Variants in CENPC observed in about 807,000 individuals in gnomAD.
The protein encoded by CENPC is CENP-C 1.
CENPC carries 63 observed loss-of-function variants against 112.1 expected under a neutral mutation model. The ratio of observed to expected loss-of-function variants is 0.56; its 90% CI spans 0.46 to 0.69. The LOEUF (loss-of-function observed/expected upper bound fraction) is 0.69. CENPC is among the 30% of genes least tolerant of loss of function. CENPC has a pLI of 0.00. For missense variants in CENPC, 1,000 were observed against 1,103.8 expected (o/e 0.91, Z 1.33); for synonymous variants, 333 against 367.6 (o/e 0.91, Z 1.08).
At chr4:67,523,473 T>C (rs1726288562) in intron 5 of CENPC, among the ~76,000 whole-genome samples, 1 of 152,234 alleles carries the variant, frequency 6.6e-6, no homozygotes, top group African/African-American at 2.4e-5. Flanking sequence ...TAAATGGATG[T>C]TGAATGGTGA....
chr4:67,526,274 A>G (rs750447075), intron 5 of CENPC, among the ~76,000 whole-genome samples: 1 of 152,092 alleles, frequency 6.6e-6, no homozygotes, highest in Non-Finnish European at 1.5e-5. Context: ...ACTATGGCAC[A>G]GGTGTACCTA....
Position 67,470,612 on chromosome 4 carries a change from A to C in CENPC, c.*1993T>G, listed in dbSNP as rs1182836351. The stretch of plus-strand genomic sequence containing the variant: ...AGAAAAGAAAAGAAAAAAGAAAATA[A>C]AGAAAAAATATTGCTAAAGCTTTGG... On this transcript the variant is annotated 3_prime_UTR_variant, in exon 19 of 19. Transcript: ENST00000273853. 1 of 151,970 alleles carries C rather than the reference A, an allele frequency of 6.6e-6. No homozygotes were observed. Among genetic ancestry groups the C allele is most frequent in the African/African-American group, 2.4e-5 (1 of 41,374 alleles). 9.4% of individuals were successfully genotyped at this position (151,970 alleles called of 1,614,324 possible).
At chr4:67,524,805 T>C (rs1372927036) in intron 5 of CENPC, among the ~76,000 whole-genome samples, 1 of 152,190 alleles carries the variant, frequency 6.6e-6, no homozygotes, top group Non-Finnish European at 1.5e-5. Context: ...CTATTGACTT[T>C]CTTCACAGAA....
intron 4 of CENPC, among the ~76,000 whole-genome samples, chr4:67,533,114 T>G (rs907389466): frequency 2.0e-5 from 3 of 152,216 alleles, no homozygotes; most frequent in African/African-American, 7.2e-5. Flanking sequence ...AATCTCAATT[T>G]GAATTGTATC....
chr4:67,476,981 A>G (rs534958507), intron 17 of CENPC, among the ~76,000 whole-genome samples: 2 of 152,282 alleles, frequency 1.3e-5, no homozygotes, highest in East Asian at 1.9e-4. Flanking sequence ...CCTGGGAACC[A>G]TATTTTCATC....
chr4:67,491,462 TATATATATATATATATATAGAGAGAG>T (rs1285529075), intron 16 of CENPC, among the ~76,000 whole-genome samples: 4 of 65,726 alleles, frequency 6.1e-5, no homozygotes, highest in African/African-American at 2.2e-4. Context: ...TATATATATA[TATATATATATATATATATAGAGAGAG>T]AGAGAGAGAG....
intron 2 of CENPC, among the ~76,000 whole-genome samples, chr4:67,542,002 C>G (rs1428420497): frequency 6.6e-6 from 1 of 152,100 alleles, no homozygotes; most frequent in Admixed American, 6.6e-5. Flanking sequence ...GAAATAAATC[C>G]AAGTTGAATG....
chr4:67,524,802 C>T (rs1726327165), intron 5 of CENPC, among the ~76,000 whole-genome samples: 1 of 152,178 alleles, frequency 6.6e-6, no homozygotes, highest in African/African-American at 2.4e-5. Context: ...CTACTATTGA[C>T]TTTCTTCACA....
chr4:67,508,463 G>A (rs193209639), intron 10 of CENPC, among the ~76,000 whole-genome samples: 14 of 130,642 alleles, frequency 1.1e-4, no homozygotes, highest in Non-Finnish European at 1.9e-4. Context: ...AGTGGGCTAT[G>A]ATCACGCCAC....
intron 17 of CENPC, among the ~76,000 whole-genome samples, chr4:67,482,711 A>G (rs1417269437): frequency 6.6e-6 from 1 of 152,224 alleles, no homozygotes; most frequent in Non-Finnish European, 1.5e-5. Context: ...ATGCAAAGGC[A>G]TAAGAATGAT....
intron 9 of CENPC, among the ~76,000 whole-genome samples, chr4:67,511,661 G>A (rs1474167665): frequency 6.6e-6 from 1 of 152,148 alleles, no homozygotes. Context: ...TTCCTTCAGG[G>A]AGTCTGGAAT....
At chr4:67,495,091 T>C in intron 13 of CENPC, 68 bp downstream of exon 13, 1 of 1,335,476 alleles carries the variant, frequency 7.5e-7, no homozygotes, top group South Asian at 1.5e-5. Context: ...AGAAATAAGT[T>C]ATATTTAGAA....
chr4:67,518,345 A>G lies in CENPC; in HGVS notation c.641T>C (p.Met214Thr), dbSNP rs1160825513. Residue 214 changes from methionine to threonine, a missense_variant, in exon 7 of 19, where the codon ATG (methionine) becomes ACG (threonine). By Grantham distance (81) the Met-to-Thr change is moderately conservative. Transcript: ENST00000273853. ...ATTATCTATTTCTATTTTCTTTAAC[A>G]TAACTTTATCATCAAAGTTTAACCT... ...KKRLNFDDKV[M>T]LKKIEIDNKV... is the part of the protein sequence containing the mutation. 17 of 1,529,242 alleles carry G rather than the reference A, an allele frequency of 1.1e-5. No individual in the cohort carries two copies. The highest frequency in any genetic ancestry group is 2.4e-5 in the East Asian group (1 of 40,878). The allele number at this position is 1,529,242 out of a possible 1,614,324, so 94.7% of individuals were successfully genotyped here. A position where few individuals can be genotyped will look rare whatever the true frequency, so the allele number is the denominator to read the frequency against.
intron 16 of CENPC, among the ~76,000 whole-genome samples, chr4:67,491,486 G>A (rs868759525): frequency 1.2e-5 from 1 of 82,028 alleles, no homozygotes; most frequent in Non-Finnish European, 2.5e-5. Context: ...TATATAGAGA[G>A]AGAGAGAGAG....
chr4:67,472,257 T>C lies in CENPC; in HGVS notation c.*348A>G, dbSNP rs62303190. The stretch of plus-strand genomic sequence containing the variant: ...TCTCTCCCATTGGATTATTTAATAA[T>C]AAATGATTTAAAATTAGTATTTGGA... On this transcript the variant is annotated 3_prime_UTR_variant, in exon 19 of 19. Transcript: ENST00000273853. 6.3e-6 allele frequency: 1 copy of C among 157,508 alleles called. No individual in the cohort carries two copies. Among genetic ancestry groups the C allele is most frequent in the Admixed American group, 6.5e-5 (1 of 15,394 alleles). The allele number at this position is 157,508 out of a possible 1,614,324, so 9.8% of individuals were successfully genotyped here.
At chr4:67,523,977 A>C (rs1048701962) in intron 5 of CENPC, among the ~76,000 whole-genome samples, 3 of 152,076 alleles carry the variant, frequency 2.0e-5, no homozygotes, top group Non-Finnish European at 2.9e-5. Flanking sequence ...AACAGTAATG[A>C]ATTATAAAGT....
chr4:67,498,547 G>T (rs1424368119), intron 12 of CENPC, among the ~76,000 whole-genome samples: 1 of 152,068 alleles, frequency 6.6e-6, no homozygotes, highest in East Asian at 1.9e-4. Context: ...TCATTTCAAG[G>T]GTTCACAACA....
chr4:67,535,084 G>T (rs1166314964), intron 4 of CENPC, among the ~76,000 whole-genome samples: 2 of 151,950 alleles, frequency 1.3e-5, no homozygotes, highest in African/African-American at 4.8e-5. Context: ...TAAAATAAAA[G>T]AAAGCAACAT....
At chr4:67,532,340 A>G (rs75054238) in intron 4 of CENPC, among the ~76,000 whole-genome samples, 85,515 of 152,018 alleles carry the variant, frequency 0.56, 25,430 homozygotes, top group Non-Finnish European at 0.67. Flanking sequence ...ACAGTGTGGC[A>G]ATTGCTCAGG....
Sources: gnomAD v4.1 joint callset for allele counts (sites outside exome capture counted in the v4.1 genomes callset) on GRCh38, gnomAD v4.1.1 for gene constraint, MANE v1.5 for transcripts, NCBI Gene and HGNC (gene_info 2026-07-23, HGNC 2026-07-21) for gene names.